Variants in SMIM13 observed in about 807,000 individuals in gnomAD.
SMIM13 encodes UPF0766 protein C6orf228.
SMIM13 carries 3 observed loss-of-function variants against 5.9 expected under a neutral mutation model. The ratio of observed to expected loss-of-function variants is 0.51; its 90% CI spans 0.23 to 1.31. The LOEUF (loss-of-function observed/expected upper bound fraction) is 1.31, where lower values mean the gene tolerates loss of function less well. SMIM13 is among the 40% of genes most tolerant of loss of function. The pLI is 0.18. For synonymous variants in SMIM13, 55 were observed against 46.0 expected, an observed-to-expected ratio of 1.19 and a Z score of -0.79; for missense variants, 85 against 109.9, an observed-to-expected ratio of 0.77 and a Z score of 1.01.
intron 1 of SMIM13, among the ~76,000 whole-genome samples, chr6:11,117,157 A>ATTTTTTTTTTTTTTT (rs1341431576): frequency 2.6e-5 from 3 of 116,896 alleles, no homozygotes; most frequent in Non-Finnish European, 3.6e-5. Context: ...CGCCCGGCTA[A>ATTTTTTTTTTTTTTT]TTTTTGTATT....
chr6:11,108,079 T>G (rs1233906000), intron 1 of SMIM13, among the ~76,000 whole-genome samples: 1 of 152,198 alleles, frequency 6.6e-6, no homozygotes, highest in Non-Finnish European at 1.5e-5. Context: ...AAAGGTTAAC[T>G]GAGCCCCTAG....
Position 11,127,264 on chromosome 6 carries a change from G to A in SMIM13, c.77-7139G>A, listed in dbSNP as rs984142958. Among the ~76,000 whole-genome samples the A allele has an allele frequency of 7.4e-4, 112 of 152,292 alleles. 2 individuals carry two copies. Among genetic ancestry groups the A allele is most frequent in the African/African-American group, 2.4e-3 (101 of 41,548 alleles). ...CTAGCTGTCTGGGAGCCAGAGCCAG[G>A]AGTTGGGAAACTTACAAATTTACCT... On this transcript the variant is annotated intron_variant, in intron 1 of 1. Transcript: ENST00000416247.
chr6:11,134,307 T>C, intron 1 of SMIM13, 96 bp from the exon 2 acceptor site: 2 of 743,974 alleles, frequency 2.7e-6, no homozygotes, highest in East Asian at 2.9e-5. Flanking sequence ...TATTTTTATA[T>C]AGTATTTTGT....
At chr6:11,128,834 A>G (rs1036652064) in intron 1 of SMIM13, among the ~76,000 whole-genome samples, 1 of 152,026 alleles carries the variant, frequency 6.6e-6, no homozygotes, top group Non-Finnish European at 1.5e-5. Context: ...GCAGAGTCCC[A>G]TAATAATCAC....
Position 11,135,432 on chromosome 6 carries a change from T to G in SMIM13, c.*830T>G, listed in dbSNP as rs888214389. 2.0e-5 allele frequency: 3 copies of G among 152,584 alleles called. No individual in the cohort carries two copies. Among genetic ancestry groups the G allele is most frequent in the African/African-American group, 7.2e-5 (3 of 41,434 alleles). 9.5% of individuals were successfully genotyped at this position (152,584 alleles called of 1,614,324 possible). On this transcript the variant is annotated 3_prime_UTR_variant, in exon 2 of 2. Coordinates refer to ENST00000416247, the MANE Select transcript of SMIM13 (RefSeq NM_001135575.2). Reference sequence around the variant, plus strand: ...AAGTTGCCAAAACCCTAGGAATTGATGAAACAAAATTCAAAGCCACAAGAG... The same window carrying G: ...AAGTTGCCAAAACCCTAGGAATTGAGGAAACAAAATTCAAAGCCACAAGAG...
chr6:11,135,128 C>T lies in SMIM13; in HGVS notation c.*526C>T, dbSNP rs61744084. On this transcript the variant is annotated 3_prime_UTR_variant, in exon 2 of 2. Coordinates refer to ENST00000416247, the MANE Select transcript of SMIM13 (RefSeq NM_001135575.2). ...CATTTTAAAATGTCTTCAAAAAGAT[C>T]ACACTATGATTCAGCATTGAAACGA... The T allele has an allele frequency of 0.027, 4,160 of 152,694 alleles. 70 individuals are homozygous for T. The highest frequency in any genetic ancestry group is 0.073 in the South Asian group (354 of 4,822). 9.5% of individuals were successfully genotyped at this position (152,694 alleles called of 1,614,324 possible).
At chr6:11,118,613 A>T (rs1758270851) in intron 1 of SMIM13, among the ~76,000 whole-genome samples, 1 of 152,232 alleles carries the variant, frequency 6.6e-6, no homozygotes, top group African/African-American at 2.4e-5. Context: ...GTGCTAAAGC[A>T]ATTACCCAAA....
chr6:11,116,982 C>CTTTTTTTTTTTTTTTTTTTTTTTT (rs68092921), intron 1 of SMIM13, among the ~76,000 whole-genome samples: 1 of 46,446 alleles, frequency 2.2e-5, no homozygotes. Flanking sequence ...ATAATTGTTT[C>CTTTTTTTTTTTTTTTTTTTTTTTT]TTTTTTTTTT....
intron 1 of SMIM13, chr6:11,103,715 A>G: frequency 3.2e-6 from 5 of 1,551,278 alleles, no homozygotes; most frequent in Non-Finnish European, 4.4e-6. Flanking sequence ...ACTCTTGAAT[A>G]TTGCGAGGAT....
chr6:11,094,461 T>A, intron 1 of SMIM13, 72 bp downstream of exon 1: 1 of 1,242,958 alleles, frequency 8.0e-7, no homozygotes, highest in Non-Finnish European at 1.1e-6. Flanking sequence ...TTTTTTGTTG[T>A]TTGTTTTTTT....
At chr6:11,104,408 A>G in intron 1 of SMIM13, 1 of 1,551,706 alleles carries the variant, frequency 6.4e-7, no homozygotes, top group Non-Finnish European at 8.7e-7. Flanking sequence ...TCGACTGGCC[A>G]CAAATATAAA....
chr6:11,097,591 C>T lies in SMIM13; in HGVS notation c.76+3202C>T, dbSNP rs1353968620. ...GTTGAGGCAGGAGAACTGCTTGAAC[C>T]CAGTAGGTGGAGGTTGCAGTGAGCC... On this transcript the variant is annotated intron_variant, in intron 1 of 1. Transcript: ENST00000416247. Among the ~76,000 whole-genome samples, 6 of 152,022 alleles carry T rather than the reference C, an allele frequency of 3.9e-5. No individual in the cohort carries two copies. In the East Asian group the frequency reaches 1.2e-3, roughly 29 times the overall value.
intron 1 of SMIM13, among the ~76,000 whole-genome samples, chr6:11,099,785 A>C (rs1757968461): frequency 6.6e-6 from 1 of 152,218 alleles, no homozygotes; most frequent in Non-Finnish European, 1.5e-5. Flanking sequence ...CATAAGCTTT[A>C]CAGACCTAAA....
intron 1 of SMIM13, among the ~76,000 whole-genome samples, chr6:11,127,301 T>C (rs1465232820): frequency 6.6e-6 from 1 of 152,188 alleles, no homozygotes; most frequent in Non-Finnish European, 1.5e-5. Context: ...GTGCTCTCTA[T>C]TCTACTGCAG....
intron 1 of SMIM13, among the ~76,000 whole-genome samples, chr6:11,108,795 GTGTT>G (rs1457939061): frequency 1.3e-5 from 2 of 152,134 alleles, no homozygotes; most frequent in Non-Finnish European, 2.9e-5. Context: ...CTAATATCTG[GTGTT>G]GTTTGAGTTA....
At chr6:11,117,757 T>C (rs1263763913) in intron 1 of SMIM13, among the ~76,000 whole-genome samples, 1 of 151,916 alleles carries the variant, frequency 6.6e-6, no homozygotes, top group South Asian at 2.1e-4. Flanking sequence ...TTTTTTTTTT[T>C]TTTTCTTTTT....
At chr6:11,127,516 G>T (rs893992228) in intron 1 of SMIM13, among the ~76,000 whole-genome samples, 1 of 152,210 alleles carries the variant, frequency 6.6e-6, no homozygotes, top group Non-Finnish European at 1.5e-5. Flanking sequence ...ATTTACAAAA[G>T]AAAGAGGTTT....
intron 1 of SMIM13, among the ~76,000 whole-genome samples, chr6:11,133,848 G>A (rs1758483215): frequency 6.6e-6 from 1 of 151,258 alleles, no homozygotes; most frequent in Non-Finnish European, 1.5e-5. Context: ...TAAGATATTG[G>A]TGCCGTGGCT....
chr6:11,097,174 AAGTC>A (rs1329501817), intron 1 of SMIM13, among the ~76,000 whole-genome samples: 8 of 152,238 alleles, frequency 5.3e-5, no homozygotes, highest in African/African-American at 1.9e-4. Flanking sequence ...TGGAAGCTAA[AAGTC>A]AGAGATCAGC....
Sources: allele counts gnomAD v4.1 joint callset (sites outside exome capture counted in the v4.1 genomes callset), GRCh38; gene constraint gnomAD v4.1.1; transcripts MANE v1.5; gene names NCBI Gene and HGNC (gene_info 2026-07-23, HGNC 2026-07-21).